The following SLX9 variants were observed in gnomAD, a reference collection of about 807,000 sequenced individuals.
The protein encoded by SLX9 is ribosome biogenesis protein SLX9 homolog.
SLX9 carries 19 observed loss-of-function variants against 20.8 expected under a neutral mutation model. That is an observed-to-expected ratio of 0.91 (90% confidence interval 0.64 to 1.34). The LOEUF (loss-of-function observed/expected upper bound fraction) is 1.34. SLX9 is among the 40% of genes most tolerant of loss of function. SLX9 has a pLI of 0.00. For synonymous variants in SLX9, 113 were observed against 137.1 expected (o/e 0.82, Z 1.23); for missense variants, 299 against 322.2 (o/e 0.93, Z 0.55).
intron 5 of SLX9, among the ~76,000 whole-genome samples, chr21:44,973,901 A>C (rs999265498): frequency 6.6e-6 from 1 of 152,022 alleles, no homozygotes; most frequent in African/African-American, 2.4e-5. Context: ...TTCCAAGGGG[A>C]GTCATGGATC....
At chr21:44,940,016 T>A, upstream of SLX9, 1 of 1,387,854 alleles carries the variant, frequency 7.2e-7, no homozygotes, top group Non-Finnish European at 9.3e-7. Context: ...AGGACCAGCT[T>A]CCGGGAGGCG....
chr21:44,943,557 C>G (rs995140796), intron 1 of SLX9, 127 bp from the exon 2 acceptor site: 1 of 1,328,368 alleles, frequency 7.5e-7, no homozygotes, highest in African/African-American at 1.5e-5. Flanking sequence ...CCCAGGTCCT[C>G]CCGGGCAGAG....
rs980945183 is a variant in SLX9, at chr21:44,940,293, C to G, written c.129+107C>G. 4 of 1,181,182 alleles carry G rather than the reference C, an allele frequency of 3.4e-6. No homozygotes were observed. In the African/African-American group the frequency reaches 6.4e-5, roughly 19 times the overall value. 73.2% of individuals were successfully genotyped at this position (1,181,182 alleles called of 1,614,324 possible). On this transcript the variant is annotated intron_variant, in intron 1 of 5. Coordinates refer to ENST00000291634, the MANE Select transcript of SLX9 (RefSeq NM_058190.4). ...TCCGCGACCCCGGCCTTCCCTCGGGCTCTGCGGGCATTTGCTGCGCTACAG... is the reference window on the plus strand; with the variant it reads ...TCCGCGACCCCGGCCTTCCCTCGGGGTCTGCGGGCATTTGCTGCGCTACAG...
At chr21:44,945,319 G>C (rs919080321) in intron 2 of SLX9, among the ~76,000 whole-genome samples, 3 of 152,220 alleles carry the variant, frequency 2.0e-5, no homozygotes, top group Non-Finnish European at 2.9e-5. Context: ...GATGTGGGTG[G>C]TCCGCCCGAG....
At chr21:44,948,927 C>T (rs1223353709) in intron 2 of SLX9, among the ~76,000 whole-genome samples, 4 of 152,208 alleles carry the variant, frequency 2.6e-5, no homozygotes, top group African/African-American at 4.8e-5. Flanking sequence ...CCGGCCATTG[C>T]AGGCCAGCGC....
rs1568942835 is a variant in SLX9 at position 44,967,049 on chromosome 21, A to G, written c.368A>G (p.Lys123Arg). 1 of 1,611,000 alleles carries G rather than the reference A, an allele frequency of 6.2e-7. No homozygotes were observed. Among genetic ancestry groups the G allele is most frequent in the Non-Finnish European group, 8.5e-7 (1 of 1,179,490 alleles). ...EQWLQKIEAIKLAEQKHREER... is the reference protein window; with the variant it reads ...EQWLQKIEAIRLAEQKHREER... ...CCTTCCTTAGAAATCGAAGCCATAAAACTGGCTGAGCAGAAGCACAGGGAG... is the reference window on the plus strand; with the variant it reads ...CCTTCCTTAGAAATCGAAGCCATAAGACTGGCTGAGCAGAAGCACAGGGAG... Residue 123 changes from lysine to arginine, a missense_variant, in exon 4 of 6, where the codon AAA becomes AGA. By Grantham distance (26) the Lys-to-Arg change is conservative. Transcript: ENST00000291634.
At chr21:44,949,077 C>G (rs879858032) in intron 2 of SLX9, among the ~76,000 whole-genome samples, 116 of 152,206 alleles carry the variant, frequency 7.6e-4, no homozygotes, top group African/African-American at 2.5e-3. Flanking sequence ...CCCCAACCCC[C>G]CTTTGAGATT....
intron 2 of SLX9, among the ~76,000 whole-genome samples, chr21:44,944,064 G>A (rs943552406): frequency 2.6e-5 from 4 of 152,224 alleles, no homozygotes; most frequent in Admixed American, 6.5e-5. Flanking sequence ...ACTGCTCTGC[G>A]TCCTGGCAGC....
chr21:44,953,741 G>A (rs768914839), intron 2 of SLX9, among the ~76,000 whole-genome samples: 3 of 152,196 alleles, frequency 2.0e-5, no homozygotes, highest in Non-Finnish European at 4.4e-5. Context: ...CAGTGCAGTA[G>A]CGTGACCTTG....
At chr21:44,941,071 C>A (rs928934384) in intron 1 of SLX9, among the ~76,000 whole-genome samples, 17 of 152,072 alleles carry the variant, frequency 1.1e-4, no homozygotes, top group South Asian at 4.1e-4. Flanking sequence ...TACTTTCTTT[C>A]TCTTCTCCTG....
intron 1 of SLX9, among the ~76,000 whole-genome samples, chr21:44,941,619 C>T (rs1207159376): frequency 6.6e-6 from 1 of 152,162 alleles, no homozygotes; most frequent in Non-Finnish European, 1.5e-5. Context: ...TCAGCGTGTT[C>T]ACATTTTTGA....
At chr21:44,946,927 C>G (rs2084653728) in intron 2 of SLX9, among the ~76,000 whole-genome samples, 1 of 152,210 alleles carries the variant, frequency 6.6e-6, no homozygotes, top group South Asian at 2.1e-4. Context: ...GGCCCACAGA[C>G]CCTCATGGGT....
intron 5 of SLX9, among the ~76,000 whole-genome samples, chr21:44,974,801 A>T (rs1454604236): frequency 6.6e-6 from 1 of 152,152 alleles, no homozygotes; most frequent in African/African-American, 2.4e-5. Context: ...CAGTTTGCGA[A>T]CAGCAGAGCC....
Position 44,943,972 on chromosome 21 carries a change from G to A in SLX9, c.283+135G>A, listed in dbSNP as rs4818746. ...CCTTGAGCAAGGGATGCCCCTGGCT[G>A]TTTCTTGGGGCGATTCCCCAGAGTA... is the stretch of plus-strand genomic sequence containing the variant. On this transcript the variant is annotated intron_variant, in intron 2 of 5. Coordinates refer to ENST00000291634, the MANE Select transcript of SLX9 (RefSeq NM_058190.4). 7.2e-6 allele frequency: 9 copies of A among 1,258,270 alleles called. No individual in the cohort carries two copies. In the Admixed American group the frequency reaches 1.8e-4, roughly 24 times the overall value. 77.9% of individuals were successfully genotyped at this position (1,258,270 alleles called of 1,614,324 possible).
chr21:44,966,916 G>A, intron 3 of SLX9, 118 bp from the exon 4 acceptor site: 2 of 1,335,544 alleles, frequency 1.5e-6, no homozygotes, highest in Non-Finnish European at 2.1e-6. Flanking sequence ...GGTGACAGCG[G>A]GAAGGAGAGA....
intron 4 of SLX9, among the ~76,000 whole-genome samples, chr21:44,970,470 C>T (rs918955213): frequency 6.6e-6 from 1 of 152,194 alleles, no homozygotes; most frequent in Non-Finnish European, 1.5e-5. Flanking sequence ...TGGACATCTC[C>T]TGCCAGTCCT....
At chr21:44,961,923 T>C (rs770303364) in intron 3 of SLX9, among the ~76,000 whole-genome samples, 5 of 152,246 alleles carry the variant, frequency 3.3e-5, no homozygotes, top group Non-Finnish European at 5.9e-5. Context: ...TTTCCCAAGT[T>C]ACTTTTACTT....
chr21:44,951,789 G>A lies in SLX9; in HGVS notation c.283+7952G>A, dbSNP rs140590967. Reference sequence around the variant, plus strand: ...GCTGCACGTGCCAATCACTAACCGGGGCGGGGCATCTCAGGAAAGGCCCTT... The same window carrying A: ...GCTGCACGTGCCAATCACTAACCGGAGCGGGGCATCTCAGGAAAGGCCCTT... On this transcript the variant is annotated intron_variant, in intron 2 of 5. Coordinates refer to ENST00000291634, the MANE Select transcript of SLX9 (RefSeq NM_058190.4). Among the ~76,000 whole-genome samples, 1,203 of 152,226 alleles carry A rather than the reference G, an allele frequency of 7.9e-3. 23 individuals carry two copies. The highest frequency in any genetic ancestry group is 0.028 in the African/African-American group (1,148 of 41,570).
At chr21:44,943,859 AC>A (rs2084595047) in intron 2 of SLX9, 22 bp downstream of exon 2, 2 of 1,613,850 alleles carry the variant, frequency 1.2e-6, no homozygotes, top group Middle Eastern at 1.7e-4. Flanking sequence ...TCGACGGGTT[AC>A]CATGCTGATA....
Sources: allele counts gnomAD v4.1 joint callset (sites outside exome capture counted in the v4.1 genomes callset), GRCh38; gene constraint gnomAD v4.1.1; transcripts MANE v1.5; gene names NCBI Gene and HGNC (gene_info 2026-07-23, HGNC 2026-07-21).